The following LRRC4C variants were observed in gnomAD, a reference collection of about 807,000 sequenced individuals.
LRRC4C encodes leucine-rich repeat-containing protein 4C.
A neutral mutation model predicts 33.6 loss-of-function variants in LRRC4C; 5 were observed. That is an observed-to-expected ratio of 0.15 (90% CI 0.08 to 0.31). The LOEUF (loss-of-function observed/expected upper bound fraction) is 0.31, where lower values mean the gene tolerates loss of function less well. Among genes scored for constraint, LRRC4C ranks in the 10% least tolerant of loss-of-function variants. The pLI is 1.00. For synonymous variants in LRRC4C, 329 were observed against 302.0 expected, an observed-to-expected ratio of 1.09 and a Z score of -0.93; for missense variants, 560 against 796.7, an observed-to-expected ratio of 0.70 and a Z score of 3.58.
At chr11:40,539,120 T>C (rs1198813692) in intron 3 of LRRC4C, among the ~76,000 whole-genome samples, 1 of 152,200 alleles carries the variant, frequency 6.6e-6, no homozygotes, top group African/African-American at 2.4e-5. Context: ...GTGGTCATAT[T>C]GATAAATATG....
intron 2 of LRRC4C, among the ~76,000 whole-genome samples, chr11:40,856,351 T>C (rs1278582160): frequency 6.6e-6 from 1 of 152,208 alleles, no homozygotes; most frequent in African/African-American, 2.4e-5. Flanking sequence ...GCCTTACCTA[T>C]GGCTTTATGC....
At chr11:40,483,796 T>C (rs944911284) in intron 3 of LRRC4C, among the ~76,000 whole-genome samples, 1 of 150,750 alleles carries the variant, frequency 6.6e-6, no homozygotes, top group Non-Finnish European at 1.5e-5. Context: ...TATATATGTA[T>C]ATATATGTAT....
chr11:40,240,874 A>G (rs1195203316), intron 5 of LRRC4C, among the ~76,000 whole-genome samples: 1 of 152,150 alleles, frequency 6.6e-6, no homozygotes, highest in African/African-American at 2.4e-5. Context: ...AATGTAATAT[A>G]GGAAATTGTC....
chr11:40,396,483 A>G (rs1949545525), intron 3 of LRRC4C, among the ~76,000 whole-genome samples: 1 of 152,178 alleles, frequency 6.6e-6, no homozygotes, highest in Non-Finnish European at 1.5e-5. Flanking sequence ...AGAGGAGTCC[A>G]TGTAATTACT....
rs1265097221 is a variant in LRRC4C at position 40,116,016 on chromosome 11, C to A, written c.277G>T (p.Val93Leu). Residue 93 changes from valine (V) to leucine (L), a missense_variant, in exon 7 of 7, where the codon GTG becomes TTG. Transcript: ENST00000528697. ...LHENQIQIIK[V>L]NSFKHLRHLE... The stretch of plus-strand genomic sequence containing the variant: ...TGTCTCAAGTGCTTGAAGCTGTTCA[C>A]TTTGATGATCTGGATTTGGTTCTCA... 3 of 1,614,114 alleles carry A rather than the reference C, an allele frequency of 1.9e-6. No individual in the cohort carries two copies. The Admixed American group carries it at 5.0e-5, about 27-fold the overall frequency.
chr11:40,581,883 A>G (rs1032369189), intron 3 of LRRC4C, among the ~76,000 whole-genome samples: 2 of 152,226 alleles, frequency 1.3e-5, no homozygotes, highest in African/African-American at 4.8e-5. Context: ...AGCCTGGGTG[A>G]CAGAGCGAGA....
intron 3 of LRRC4C, among the ~76,000 whole-genome samples, chr11:40,463,223 A>G (rs1310917756): frequency 6.6e-6 from 1 of 152,028 alleles, no homozygotes; most frequent in Non-Finnish European, 1.5e-5. Context: ...TTAGAGGCAT[A>G]GAAGTACAGA....
At chr11:41,005,100 G>T (rs968244048) in intron 1 of LRRC4C, among the ~76,000 whole-genome samples, 7 of 152,020 alleles carry the variant, frequency 4.6e-5, no homozygotes, top group Non-Finnish European at 4.4e-5. Flanking sequence ...CCCTCCCCCT[G>T]ATGTGATGTT....
intron 1 of LRRC4C, among the ~76,000 whole-genome samples, chr11:40,968,702 T>G (rs577267705): frequency 2.0e-4 from 31 of 152,250 alleles, no homozygotes; most frequent in Non-Finnish European, 4.1e-4. Flanking sequence ...TGAGAGTACA[T>G]CTGTTTACAG....
At chr11:40,694,248 G>A (rs1448117900) in intron 2 of LRRC4C, among the ~76,000 whole-genome samples, 1 of 152,134 alleles carries the variant, frequency 6.6e-6, no homozygotes, top group African/African-American at 2.4e-5. Flanking sequence ...TACCCATTAG[G>A]TCTGGAACCA....
chr11:40,815,193 G>A (rs1951657710), intron 2 of LRRC4C, among the ~76,000 whole-genome samples: 1 of 152,198 alleles, frequency 6.6e-6, no homozygotes, highest in Non-Finnish European at 1.5e-5. Flanking sequence ...CAAGGTGAAT[G>A]AGGAGCGAAG....
chr11:40,797,033 A>G (rs1261124874), intron 2 of LRRC4C, among the ~76,000 whole-genome samples: 1 of 152,184 alleles, frequency 6.6e-6, no homozygotes, highest in Non-Finnish European at 1.5e-5. Context: ...TCATTGGAGT[A>G]GACAGTGGAG....
intron 1 of LRRC4C, among the ~76,000 whole-genome samples, chr11:41,301,573 A>T (rs1192533187): frequency 6.6e-6 from 1 of 152,204 alleles, no homozygotes; most frequent in Non-Finnish European, 1.5e-5. Context: ...AGTGACTCAG[A>T]ACTCCTAAGT....
At position 40,506,129 on chromosome 11, in the gene LRRC4C, A is replaced by G. The variant is rs575928317; in HGVS notation, c.-270+142013T>C. 3.9e-5 allele frequency among the ~76,000 whole-genome samples: 6 copies of G among 152,258 alleles called. No individual in the cohort carries two copies. The East Asian group carries it at 1.2e-3, about 29-fold the overall frequency. On this transcript the variant is annotated intron_variant, in intron 3 of 6. Coordinates refer to ENST00000528697, the MANE Select transcript of LRRC4C (RefSeq NM_001258419.2). ...TACATTCCCTATGCTCTTCATTTGA[A>G]CTTGCATTTAATGGCCCTAATTTTA...
At chr11:41,241,974 C>T (rs1258052892) in intron 1 of LRRC4C, among the ~76,000 whole-genome samples, 1 of 152,106 alleles carries the variant, frequency 6.6e-6, no homozygotes, top group Admixed American at 6.5e-5. Context: ...AAATATGTCT[C>T]AACATCATCA....
chr11:40,950,776 T>C (rs944150485), intron 1 of LRRC4C, among the ~76,000 whole-genome samples: 1 of 152,058 alleles, frequency 6.6e-6, no homozygotes, highest in Non-Finnish European at 1.5e-5. Flanking sequence ...TTGAGATACA[T>C]GCTTCCAGAG....
intron 2 of LRRC4C, among the ~76,000 whole-genome samples, chr11:40,876,612 A>G (rs1285964005): frequency 6.6e-6 from 1 of 151,990 alleles, no homozygotes; most frequent in Non-Finnish European, 1.5e-5. Context: ...GTTTTTCTAA[A>G]AGAAATCTCA....
intron 1 of LRRC4C, among the ~76,000 whole-genome samples, chr11:41,052,095 A>G (rs1392539487): frequency 2.6e-5 from 4 of 152,170 alleles, no homozygotes; most frequent in Non-Finnish European, 5.9e-5. Context: ...ACCTGGGACA[A>G]AACATAATAC....
At chr11:40,690,943 G>A (rs920719767) in intron 2 of LRRC4C, among the ~76,000 whole-genome samples, 2 of 152,000 alleles carry the variant, frequency 1.3e-5, no homozygotes, top group Non-Finnish European at 2.9e-5. Flanking sequence ...CAGAGACCAA[G>A]CAAGAAGCAG....
Sources: gnomAD v4.1 joint callset for allele counts (sites outside exome capture counted in the v4.1 genomes callset) on GRCh38, gnomAD v4.1.1 for gene constraint, MANE v1.5 for transcripts, NCBI Gene and HGNC (gene_info 2026-07-23, HGNC 2026-07-21) for gene names.